The following ZBTB34 variants were observed in gnomAD, a reference collection of about 807,000 sequenced individuals.
ZBTB34 encodes zinc finger and BTB domain containing 34.
Under a neutral mutation model 33.4 loss-of-function variants are expected in ZBTB34, and 1 was observed. The ratio of observed to expected loss-of-function variants is 0.03; its 90% CI spans 0.01 to 0.14. The LOEUF (loss-of-function observed/expected upper bound fraction) is 0.14. Among genes scored for constraint, ZBTB34 ranks in the 10% least tolerant of loss-of-function variants. The pLI, the probability that ZBTB34 is intolerant of heterozygous loss-of-function variation, is 1.00. For missense variants in ZBTB34, 406 were observed against 657.2 expected (o/e 0.62, Z 4.18); for synonymous variants, 283 against 253.5 (o/e 1.12, Z -1.11).
rs764287536 is a variant in ZBTB34 at position 126,880,263 on chromosome 9, C to G, written c.864C>G (p.Ser288=). The change falls in exon 2 of 2, where the codon TCC becomes TCG. Residue 288 remains serine, a synonymous_variant. Transcript: ENST00000319119. This position sits in a 1 kb window ranked among gnomAD's most constrained non-coding sequence, Gnocchi z 6.7. ...GTTCTGTGCTCCAGCACGCATACTC[C>G]TATTCCCAAGCAGCCTCACAGCCAA... 3.1e-5 allele frequency: 50 copies of G among 1,613,952 alleles called. 1 individual carries two copies. In the South Asian group the frequency reaches 5.5e-4, roughly 18 times the overall value.
chr9:126,869,190 C>T (rs1274078556), intron 1 of ZBTB34, among the ~76,000 whole-genome samples: 6 of 126,400 alleles, frequency 4.7e-5, no homozygotes, highest in African/African-American at 1.5e-4. Flanking sequence ...TGTTTGCCCA[C>T]CCCCACCCCC....
chr9:126,864,968 A>G (rs1034993199), intron 1 of ZBTB34, among the ~76,000 whole-genome samples: 13 of 152,312 alleles, frequency 8.5e-5, no homozygotes, highest in Non-Finnish European at 1.9e-4. Context: ...GTATCAGCAA[A>G]TGACTGAAGC....
Position 126,874,222 on chromosome 9 carries a change from T to G in ZBTB34, c.-10-5168T>G, listed in dbSNP as rs560505847. ...ATGCCCGGCTAATTTTTTTTTTTTTTTGTATTTTTAGTAGAGATGGGGTTT... is the reference window on the plus strand; with the variant it reads ...ATGCCCGGCTAATTTTTTTTTTTTTGTGTATTTTTAGTAGAGATGGGGTTT... On this transcript the variant is annotated intron_variant, in intron 1 of 1. Transcript: ENST00000319119. Among the ~76,000 whole-genome samples the G allele has an allele frequency of 4.5e-3, 681 of 150,166 alleles. 6 individuals carry two copies. Among genetic ancestry groups the G allele is most frequent in the African/African-American group, 0.016 (650 of 40,998 alleles).
chr9:126,874,637 G>A (rs2033330531), intron 1 of ZBTB34, among the ~76,000 whole-genome samples: 1 of 152,050 alleles, frequency 6.6e-6, no homozygotes, highest in African/African-American at 2.4e-5. Flanking sequence ...GGCCATCTCA[G>A]TCTGATTTCT....
chr9:126,864,188 T>G (rs928128447), intron 1 of ZBTB34, among the ~76,000 whole-genome samples: 51 of 152,166 alleles, frequency 3.4e-4, no homozygotes, highest in Non-Finnish European at 4.4e-5. Flanking sequence ...GACTGACAAA[T>G]CTAGGTCCAA....
chr9:126,880,984 C>T lies in ZBTB34; in HGVS notation c.*70C>T, dbSNP rs2033432431. ...TATTTGTGATTTGCTTTGTTGTAATCTTTGGTTTTCCCAACCATCTGGAAA... is the reference window on the plus strand; with the variant it reads ...TATTTGTGATTTGCTTTGTTGTAATTTTTGGTTTTCCCAACCATCTGGAAA... On this transcript the variant is annotated 3_prime_UTR_variant, in exon 2 of 2. Transcript: ENST00000319119. This position sits in a 1 kb window ranked among gnomAD's most constrained non-coding sequence, Gnocchi z 6.7. 2.7e-6 allele frequency: 4 copies of T among 1,470,744 alleles called. No homozygotes were observed. The South Asian group carries it at 5.6e-5, about 21-fold the overall frequency. The allele number at this position is 1,470,744 out of a possible 1,614,324, so 91.1% of individuals were successfully genotyped here. A position where few individuals can be genotyped will look rare whatever the true frequency, so the allele number is the denominator to read the frequency against.
At chr9:126,874,288 G>T (rs1366819250) in intron 1 of ZBTB34, among the ~76,000 whole-genome samples, 1 of 149,172 alleles carries the variant, frequency 6.7e-6, no homozygotes, top group Non-Finnish European at 1.5e-5. Context: ...CTGACCTGGT[G>T]ATCTGCCCGC....
exon 2 of ZBTB34, chr9:126,881,135 A>G (rs757238684): frequency 4.1e-4 from 227 of 547,306 alleles, no homozygotes; most frequent in Non-Finnish European, 6.6e-4. Flanking sequence ...CAGGGAAAAC[A>G]CAGGCTGACA....
rs80308342 is a variant in ZBTB34 at position 126,869,324 on chromosome 9, G to A, written c.-11+8585G>A. ...ATACGCACACTTCAGAAGGGTCCTG[G>A]GAAAGTCAGCTGCTTGGATCCTTGG... On this transcript the variant is annotated intron_variant, in intron 1 of 1. Coordinates refer to ENST00000319119, the Ensembl canonical transcript of ZBTB34. 2.0e-5 allele frequency among the ~76,000 whole-genome samples: 3 copies of A among 151,912 alleles called. No homozygotes were observed. In the East Asian group the frequency reaches 5.8e-4, roughly 29 times the overall value.
Position 126,880,472 on chromosome 9 carries a change from G to A in ZBTB34, c.1073G>A (p.Ser358Asn). Reference sequence around the variant, plus strand: ...ATGATGAACAACCCCGGGTATGAGAGCAGTCCCCGGGAGAGGAGTGCGAGA... The same window carrying A: ...ATGATGAACAACCCCGGGTATGAGAACAGTCCCCGGGAGAGGAGTGCGAGA... Residue 358 changes from serine to asparagine, a missense_variant, in exon 2 of 2, where the codon AGC becomes AAC. Coordinates refer to ENST00000319119, the Ensembl canonical transcript of ZBTB34. The surrounding 1 kb of genome is among the most constrained non-coding windows in gnomAD (Gnocchi z 6.7). 1 of 1,613,816 alleles carries A rather than the reference G, an allele frequency of 6.2e-7. No homozygotes were observed. The highest frequency in any genetic ancestry group is 8.5e-7 in the Non-Finnish European group (1 of 1,179,892).
At chr9:126,876,967 C>T (rs2033371442) in intron 1 of ZBTB34, among the ~76,000 whole-genome samples, 2 of 152,136 alleles carry the variant, frequency 1.3e-5, no homozygotes, top group South Asian at 2.1e-4. Context: ...GATTTAGTTG[C>T]ACGTTGTCTT....
intron 1 of ZBTB34, chr9:126,863,743 G>C (rs942039965): frequency 8.1e-6 from 8 of 984,888 alleles, no homozygotes; most frequent in Non-Finnish European, 9.6e-6. Context: ...TGTCATAAGA[G>C]GCAGGACTTA....
chr9:126,869,958 A>G lies in ZBTB34; in HGVS notation c.-11+9219A>G, dbSNP rs189482053. On this transcript the variant is annotated intron_variant, in intron 1 of 1. Coordinates refer to ENST00000319119, the Ensembl canonical transcript of ZBTB34. Reference sequence around the variant, plus strand: ...ATCTCACATTCTTTTTCCAGAGTATAGTTTTTATAAACAAAAACAGAATTT... The same window carrying G: ...ATCTCACATTCTTTTTCCAGAGTATGGTTTTTATAAACAAAAACAGAATTT... 7.3e-3 allele frequency among the ~76,000 whole-genome samples: 1,116 copies of G among 152,316 alleles called. 4 individuals are homozygous for G. The highest frequency in any genetic ancestry group is 0.011 in the Non-Finnish European group (745 of 68,022).
At chr9:126,877,973 C>T (rs569631635) in intron 1 of ZBTB34, among the ~76,000 whole-genome samples, 47 of 151,742 alleles carry the variant, frequency 3.1e-4, no homozygotes, top group African/African-American at 9.7e-4. Context: ...CATTGCACTC[C>T]GGACGACAGA....
chr9:126,876,157 T>TTC (rs2033354145), intron 1 of ZBTB34, among the ~76,000 whole-genome samples: 2 of 86,372 alleles, frequency 2.3e-5, no homozygotes, highest in African/African-American at 4.9e-5. Context: ...TTTTTTCCCT[T>TTC]CCGTCCTTCC....
rs759197089 is a variant in ZBTB34, at chr9:126,880,946, A to G, written c.*32A>G. 3.8e-6 allele frequency: 6 copies of G among 1,566,028 alleles called. No individual in the cohort carries two copies. In the South Asian group the frequency reaches 7.0e-5, roughly 18 times the overall value. On this transcript the variant is annotated 3_prime_UTR_variant, in exon 2 of 2. Transcript: ENST00000319119. This position sits in a 1 kb window ranked among gnomAD's most constrained non-coding sequence, Gnocchi z 6.7. Reference sequence around the variant, plus strand: ...AAAGAAGTGCACCCAAACAAAGCACATTAATCAATGCATATTTGTGATTTG... The same window carrying G: ...AAAGAAGTGCACCCAAACAAAGCACGTTAATCAATGCATATTTGTGATTTG...
Position 126,880,246 on chromosome 9 carries a change from C to A in ZBTB34, c.847C>A (p.Leu283Ile). 6.2e-7 allele frequency: 1 copy of A among 1,613,858 alleles called. No individual in the cohort carries two copies. ...GAATGTGGGCTCCTATGGTTCTGTG[C>A]TCCAGCACGCATACTCCTATTCCCA... The change falls in exon 2 of 2, where the codon CTC (leucine) becomes ATC (isoleucine). Residue 283 changes from leucine (L) to isoleucine (I), a missense_variant. Transcript: ENST00000319119. This position sits in a 1 kb window ranked among gnomAD's most constrained non-coding sequence, Gnocchi z 6.7.
chr9:126,880,422 G>C lies in ZBTB34; in HGVS notation c.1023G>C (p.Leu341=). The change falls in exon 2 of 2, where the codon CTG becomes CTC. Residue 341 remains leucine (L), a synonymous_variant. Coordinates refer to ENST00000319119, the Ensembl canonical transcript of ZBTB34. The surrounding 1 kb of genome is among the most constrained non-coding windows in gnomAD (Gnocchi z 6.7). ...ACCTGCACAGTGACCTGCAGGGCCTGGTGCAGGGCTCTGACAGTGAAGCCA... is the reference window on the plus strand; with the variant it reads ...ACCTGCACAGTGACCTGCAGGGCCTCGTGCAGGGCTCTGACAGTGAAGCCA... 1.2e-6 allele frequency: 2 copies of C among 1,613,544 alleles called. No homozygotes were observed. The highest frequency in any genetic ancestry group is 1.7e-6 in the Non-Finnish European group (2 of 1,179,848).
chr9:126,877,919 A>C (rs2033383440), intron 1 of ZBTB34, among the ~76,000 whole-genome samples: 1 of 151,996 alleles, frequency 6.6e-6, no homozygotes. Context: ...CAGGAGGATC[A>C]CTTGAACCCA....
Sources: gnomAD v4.1 joint callset for allele counts (sites outside exome capture counted in the v4.1 genomes callset) on GRCh38, gnomAD v4.1.1 for gene constraint, Gnocchi (gnomAD v3.1) non-coding constraint, MANE v1.5 for transcripts, NCBI Gene and HGNC (gene_info 2026-07-23, HGNC 2026-07-21) for gene names.